The following PRUNE2 variants were observed in gnomAD, a reference collection of about 807,000 sequenced individuals.
PRUNE2 encodes protein prune homolog 2.
PRUNE2 carries 164 observed loss-of-function variants against 252.0 expected under a neutral mutation model. The ratio of observed to expected loss-of-function variants is 0.65; its 90% CI spans 0.57 to 0.74. The LOEUF is 0.74. Ranked by LOEUF, PRUNE2 falls within the 30% of genes least tolerant of loss-of-function variation. PRUNE2 has a pLI of 0.00. For synonymous variants in PRUNE2, 1,292 were observed against 1,350.2 expected (o/e 0.96, Z 0.94); for missense variants, 3,495 against 3,711.0 (o/e 0.94, Z 1.51).
intron 6 of PRUNE2, among the ~76,000 whole-genome samples, chr9:76,812,117 G>A (rs1360008985): frequency 1.3e-5 from 2 of 152,164 alleles, no homozygotes; most frequent in African/African-American, 4.8e-5. Flanking sequence ...GGAGGAAAAT[G>A]ATAATCCAGG....
intron 6 of PRUNE2, among the ~76,000 whole-genome samples, chr9:76,813,412 C>T (rs528318874): frequency 8.5e-5 from 13 of 152,124 alleles, no homozygotes; most frequent in Middle Eastern, 3.4e-3. Context: ...TGTCTAGACT[C>T]GAGAAAGTCA....
At chr9:76,638,358 G>T in intron 12 of PRUNE2, 70 bp from the exon 13 acceptor site, 2 of 1,019,378 alleles carry the variant, frequency 2.0e-6, no homozygotes, top group Non-Finnish European at 3.0e-6. Flanking sequence ...TGACCTAATG[G>T]ATAAATATGA....
In PRUNE2 at chr9:76,708,326, CCA is replaced by C; in HGVS notation, c.3946_3947del (p.Trp1316GlufsTer9). The C allele has an allele frequency of 6.2e-7, 1 of 1,613,852 alleles. No homozygotes were observed. The highest frequency in any genetic ancestry group is 8.5e-7 in the Non-Finnish European group (1 of 1,179,882). ...NPGYFPHPDP[W>X]KGHGDGQSES... ...CACTTTGTCCATCGCCATGACCTTT[CCA>C]TGGATCTGGGTGTGGAAAATACCCT... On this transcript the variant is annotated frameshift_variant, in exon 8 of 19. Coordinates refer to ENST00000376718, the MANE Select transcript of PRUNE2 (RefSeq NM_015225.3). LOFTEE classifies it high-confidence loss of function.
At chr9:76,900,673 TTCAAGAAAAA>T (rs1437621496) in intron 1 of PRUNE2, among the ~76,000 whole-genome samples, 2 of 152,120 alleles carry the variant, frequency 1.3e-5, no homozygotes, top group Non-Finnish European at 2.9e-5. Flanking sequence ...ATCCCCAAGG[TTCAAGAAAAA>T]TCAGTAACTA....
At chr9:76,819,885 G>T (rs1008383345) in intron 6 of PRUNE2, among the ~76,000 whole-genome samples, 3 of 152,102 alleles carry the variant, frequency 2.0e-5, no homozygotes, top group African/African-American at 7.2e-5. Context: ...AGTAAACTAG[G>T]CCCAAGAAGT....
intron 6 of PRUNE2, among the ~76,000 whole-genome samples, chr9:76,800,089 T>C (rs1044708038): frequency 6.6e-6 from 1 of 152,132 alleles, no homozygotes; most frequent in East Asian, 1.9e-4. Flanking sequence ...CTAGGGTACA[T>C]GTGCACAACG....
At chr9:76,646,857 GTTTTA>G (rs1845087446) in intron 11 of PRUNE2, among the ~76,000 whole-genome samples, 1 of 151,958 alleles carries the variant, frequency 6.6e-6, no homozygotes, top group Non-Finnish European at 1.5e-5. Flanking sequence ...GGGTTGTTTT[GTTTTA>G]TTTTCTGCAA....
intron 4 of PRUNE2, 60 bp from the exon 5 acceptor site, chr9:76,826,792 A>C (rs1313368483): frequency 7.4e-7 from 1 of 1,358,036 alleles, no homozygotes; most frequent in African/African-American, 1.5e-5. Context: ...ACAGGGGCCA[A>C]GAAAATCAGT....
chr9:76,622,822 G>A (rs188879417), intron 17 of PRUNE2, among the ~76,000 whole-genome samples: 1 of 152,166 alleles, frequency 6.6e-6, no homozygotes, highest in African/African-American at 2.4e-5. Context: ...CTAATTGGGT[G>A]TCAGTTATCT....
chr9:76,894,716 G>GAAAAAAAA (rs1170899729), intron 1 of PRUNE2, among the ~76,000 whole-genome samples: 18 of 110,692 alleles, frequency 1.6e-4, no homozygotes, highest in Middle Eastern at 3.9e-3. Flanking sequence ...ATTTTCTGCA[G>GAAAAAAAA]CAAAAAAAAA....
intron 2 of PRUNE2, among the ~76,000 whole-genome samples, chr9:76,851,418 GGTATCTGTA>G (rs2059951976): frequency 6.6e-6 from 1 of 152,014 alleles, no homozygotes; most frequent in Admixed American, 6.6e-5. Flanking sequence ...CATGGTGGCA[GGTATCTGTA>G]GTCCCAGCTA....
At chr9:76,622,005 C>T (rs918119250) in intron 17 of PRUNE2, among the ~76,000 whole-genome samples, 4 of 152,094 alleles carry the variant, frequency 2.6e-5, no homozygotes, top group African/African-American at 9.7e-5. Flanking sequence ...GATTTTTAGG[C>T]TCCACTCTAG....
chr9:76,683,745 C>T (rs2043751594), intron 9 of PRUNE2, among the ~76,000 whole-genome samples: 1 of 151,960 alleles, frequency 6.6e-6, no homozygotes, highest in Admixed American at 6.6e-5. Flanking sequence ...GAAAGAATAT[C>T]ATAGAATATC....
intron 9 of PRUNE2, chr9:76,692,104 G>A (rs1390987967): frequency 1.4e-6 from 1 of 717,516 alleles, no homozygotes; most frequent in Admixed American, 2.0e-5. Flanking sequence ...CTTTCTAACG[G>A]AGGGTGAGAA....
chr9:76,856,123 G>A (rs371787058), intron 1 of PRUNE2, among the ~76,000 whole-genome samples: 1 of 152,334 alleles, frequency 6.6e-6, no homozygotes, highest in South Asian at 2.1e-4. Flanking sequence ...AAGGCAGACA[G>A]TAAGAAGATT....
At position 76,837,773 on chromosome 9, in the gene PRUNE2, A is replaced by AT. The variant is rs72342125; in HGVS notation, c.508+8741dup. 3.9e-3 allele frequency among the ~76,000 whole-genome samples: 534 copies of AT among 138,372 alleles called. 1 individual carries two copies. Among genetic ancestry groups the AT allele is most frequent in the African/African-American group, 5.8e-3 (214 of 36,732 alleles). 90.8% of individuals were successfully genotyped at this position (138,372 alleles called of 152,430 possible). ...TATCCAAAGTTTCAAACCAAATACT[A>AT]TTTTTTTTTTTTTTTTGAGACGGAG... is the stretch of plus-strand genomic sequence containing the variant. On this transcript the variant is annotated intron_variant, in intron 4 of 18. Transcript: ENST00000376718.
chr9:76,905,886 T>C (rs754153944), intron 1 of PRUNE2, 42 bp downstream of exon 1: 1 of 1,613,528 alleles, frequency 6.2e-7, no homozygotes, highest in South Asian at 1.1e-5. Context: ...TCCATTAGCA[T>C]ACGCGCGCGC....
chr9:76,685,950 G>C (rs2044037106), intron 9 of PRUNE2, among the ~76,000 whole-genome samples: 1 of 152,116 alleles, frequency 6.6e-6, no homozygotes, highest in African/African-American at 2.4e-5. Flanking sequence ...CCTAAGTTAG[G>C]CCCCTTGACA....
intron 9 of PRUNE2, among the ~76,000 whole-genome samples, chr9:76,667,021 G>A (rs1187901414): frequency 6.6e-6 from 1 of 152,116 alleles, no homozygotes; most frequent in Non-Finnish European, 1.5e-5. Flanking sequence ...ACTCCAGCCT[G>A]GGCAACAAGA....
Sources: allele counts gnomAD v4.1 joint callset (sites outside exome capture counted in the v4.1 genomes callset), GRCh38; gene constraint gnomAD v4.1.1; transcripts MANE v1.5; gene names NCBI Gene and HGNC (gene_info 2026-07-23, HGNC 2026-07-21).